GNAO1: variants seen among roughly 807,000 people sequenced by gnomAD.
GNAO1 encodes G protein subunit alpha o1.
For missense variants in GNAO1, 166 were observed against 478.7 expected, an observed-to-expected ratio of 0.35 and a Z score of 6.10; for synonymous variants, 164 against 180.7, an observed-to-expected ratio of 0.91 and a Z score of 0.74.
Position 56,310,403 on chromosome 16 carries a change from C to T in GNAO1, c.304-18228C>T, listed in dbSNP as rs570434536. ...AAATTTAATGATCATTTATTGAGCA[C>T]CTATTATGTGCTATAGTGTTCTGTG... On this transcript the variant is annotated intron_variant, in intron 3 of 8. Transcript: ENST00000262493. 1.8e-4 allele frequency among the ~76,000 whole-genome samples: 28 copies of T among 152,268 alleles called. No homozygotes were observed. The South Asian group carries it at 5.8e-3, about 32-fold the overall frequency.
rs1386785579 is a variant in GNAO1 at position 56,351,516 on chromosome 16, A to G, written c.856A>G (p.Ile286Val). ...GEKIKKSPLT[I>V]CFPEYTGPNT... ...GAAGATCAAGAAGTCACCTTTGACC[A>G]TCTGCTTTCCTGAATACACAGGTGG... is the stretch of plus-strand genomic sequence containing the variant. The change falls in exon 7 of 9, where the codon ATC (isoleucine) becomes GTC (valine). Residue 286 changes from isoleucine (I) to valine (V), a missense_variant. Coordinates refer to ENST00000262493, the MANE Select transcript of GNAO1 (RefSeq NM_020988.3). This position sits in a 1 kb window ranked among gnomAD's most constrained non-coding sequence, Gnocchi z 6.1. 1 of 1,613,360 alleles carries G rather than the reference A, an allele frequency of 6.2e-7. No individual in the cohort carries two copies. Among genetic ancestry groups the G allele is most frequent in the South Asian group, 1.1e-5 (1 of 91,086 alleles).
chr16:56,276,156 C>A, intron 3 of GNAO1, 84 bp downstream of exon 3: 1 of 1,207,954 alleles, frequency 8.3e-7, no homozygotes, highest in Non-Finnish European at 1.2e-6. Flanking sequence ...GCTGGGCTGC[C>A]TTAAATGAAC....
At chr16:56,310,801 A>T (rs1357572635) in intron 3 of GNAO1, among the ~76,000 whole-genome samples, 1 of 152,044 alleles carries the variant, frequency 6.6e-6, no homozygotes, top group Non-Finnish European at 1.5e-5. Context: ...TTTCTTGCTC[A>T]TCTACTAGTC....
chr16:56,338,502 C>G (rs1359282189), intron 6 of GNAO1, among the ~76,000 whole-genome samples: 2 of 152,262 alleles, frequency 1.3e-5, no homozygotes, highest in Non-Finnish European at 2.9e-5. Context: ...GCTATTACGG[C>G]CACTGCTCCA....
At chr16:56,284,395 C>G (rs1324486230) in intron 3 of GNAO1, among the ~76,000 whole-genome samples, 1 of 152,202 alleles carries the variant, frequency 6.6e-6, no homozygotes, top group Non-Finnish European at 1.5e-5. Flanking sequence ...AGCCCTGCCA[C>G]AAGGAGCCTG....
At chr16:56,270,470 T>G (rs1244385490) in intron 2 of GNAO1, 2 of 151,944 alleles carry the variant, frequency 1.3e-5, no homozygotes, top group Non-Finnish European at 1.5e-5. Flanking sequence ...GACACACACG[T>G]CTGCCTCCTT....
intron 3 of GNAO1, among the ~76,000 whole-genome samples, chr16:56,293,274 T>G (rs1484244562): frequency 6.6e-6 from 1 of 152,260 alleles, no homozygotes; most frequent in Non-Finnish European, 1.5e-5. Flanking sequence ...GCAGCACCTC[T>G]GCTGGGGTGA....
chr16:56,213,267 T>C, intron 2 of GNAO1: 1 of 398,626 alleles, frequency 2.5e-6, no homozygotes, highest in Admixed American at 4.4e-5. Flanking sequence ...TTTCCCACTC[T>C]GCAGATATCC....
chr16:56,330,739 C>T (rs2037680706), intron 4 of GNAO1, among the ~76,000 whole-genome samples: 1 of 152,210 alleles, frequency 6.6e-6, no homozygotes, highest in Admixed American at 6.5e-5. Flanking sequence ...ATTTTTAGTT[C>T]TTCCGGTGCT....
intron 2 of GNAO1, among the ~76,000 whole-genome samples, chr16:56,239,223 C>G (rs2036671106): frequency 6.6e-6 from 1 of 152,188 alleles, no homozygotes. Flanking sequence ...AGTTCATCAG[C>G]CAATTCATTG....
At chr16:56,250,796 T>G (rs2143454816) in intron 2 of GNAO1, among the ~76,000 whole-genome samples, 1 of 152,260 alleles carries the variant, frequency 6.6e-6, no homozygotes, top group South Asian at 2.1e-4. Context: ...CCATGCAAAG[T>G]GTTTCTTTAC....
At chr16:56,248,715 G>A (rs880579) in intron 2 of GNAO1, among the ~76,000 whole-genome samples, 2,636 of 152,296 alleles carry the variant, frequency 0.017, 48 homozygotes, top group South Asian at 0.052. Context: ...CTAGGCAGAA[G>A]AAACAGCAAG....
chr16:56,303,487 G>A (rs1435329992), intron 3 of GNAO1, among the ~76,000 whole-genome samples: 3 of 152,240 alleles, frequency 2.0e-5, no homozygotes, highest in Non-Finnish European at 4.4e-5. Flanking sequence ...GCTGAGGCCA[G>A]CATTTTCTGT....
intron 3 of GNAO1, among the ~76,000 whole-genome samples, chr16:56,314,418 A>G (rs113796206): frequency 0.014 from 2,144 of 152,264 alleles, 21 homozygotes; most frequent in Non-Finnish European, 0.024. Flanking sequence ...CCGGCTTGCA[A>G]CTCAGCCTTT....
intron 2 of GNAO1, among the ~76,000 whole-genome samples, chr16:56,238,339 C>T (rs748977391): frequency 1.3e-5 from 2 of 152,202 alleles, no homozygotes; most frequent in Non-Finnish European, 2.9e-5. Context: ...GCTGGAGACA[C>T]ACAGCTATCC....
intron 2 of GNAO1, among the ~76,000 whole-genome samples, chr16:56,266,975 G>A (rs553312946): frequency 5.9e-5 from 9 of 152,154 alleles, no homozygotes; most frequent in Admixed American, 3.9e-4. Context: ...TGTCCACATC[G>A]TGTGCCCTCT....
At chr16:56,339,045 G>A (rs1427989139) in intron 6 of GNAO1, among the ~76,000 whole-genome samples, 4 of 152,260 alleles carry the variant, frequency 2.6e-5, no homozygotes, top group African/African-American at 9.6e-5. Context: ...TTTGCAGCCC[G>A]GGGAAGAGTA....
intron 3 of GNAO1, among the ~76,000 whole-genome samples, chr16:56,312,309 G>A (rs763432660): frequency 1.3e-5 from 2 of 152,190 alleles, no homozygotes; most frequent in Non-Finnish European, 2.9e-5. Flanking sequence ...TATAAAATGG[G>A]GGAAACGATA....
chr16:56,333,298 C>G (rs142803887), intron 4 of GNAO1, among the ~76,000 whole-genome samples: 1 of 151,756 alleles, frequency 6.6e-6, no homozygotes, highest in East Asian at 1.9e-4. Flanking sequence ...CTGCAACCTC[C>G]GCCTCCTGGG....
Sources: gnomAD v4.1 joint callset for allele counts (sites outside exome capture counted in the v4.1 genomes callset) on GRCh38, gnomAD v4.1.1 for gene constraint, Gnocchi (gnomAD v3.1) non-coding constraint, MANE v1.5 for transcripts, NCBI Gene and HGNC (gene_info 2026-07-23, HGNC 2026-07-21) for gene names.